DYM: variants seen among roughly 807,000 people sequenced by gnomAD.
DYM encodes the protein dymeclin.
A neutral mutation model predicts 93.1 loss-of-function variants in DYM; 78 were observed. The ratio of observed to expected loss-of-function variants is 0.84; its 90% confidence interval spans 0.70 to 1.01. The LOEUF (loss-of-function observed/expected upper bound fraction) is 1.01. DYM is among the 50% of genes least tolerant of loss of function. The pLI, the probability that DYM is intolerant of heterozygous loss-of-function variation, is 0.00. For missense variants in DYM, 789 were observed against 845.0 expected, an observed-to-expected ratio of 0.93 and a Z score of 0.82; for synonymous variants, 321 against 319.7, an observed-to-expected ratio of 1.00 and a Z score of -0.04.
intron 6 of DYM, among the ~76,000 whole-genome samples, chr18:49,340,280 C>A (rs2064010546): frequency 6.6e-6 from 1 of 152,004 alleles, no homozygotes; most frequent in East Asian, 1.9e-4. Flanking sequence ...AAGCCACAGA[C>A]TAAATGTTCA....
chr18:49,103,312 G>C (rs1156412837), intron 16 of DYM, among the ~76,000 whole-genome samples: 1 of 152,056 alleles, frequency 6.6e-6, no homozygotes. Flanking sequence ...CTGGATATTA[G>C]CCCCTTGTCA....
At chr18:49,045,323 T>A (rs2071335502) in intron 17 of DYM, among the ~76,000 whole-genome samples, 1 of 152,254 alleles carries the variant, frequency 6.6e-6, no homozygotes, top group Admixed American at 6.5e-5. Flanking sequence ...TTTTGTCAGG[T>A]GCTGCATCCC....
At chr18:49,105,095 T>C (rs1365321293) in intron 16 of DYM, among the ~76,000 whole-genome samples, 1 of 152,236 alleles carries the variant, frequency 6.6e-6, no homozygotes, top group Non-Finnish European at 1.5e-5. Flanking sequence ...GAGCCTGTTA[T>C]TGGTCTATTC....
intron 1 of DYM, among the ~76,000 whole-genome samples, chr18:49,443,014 T>C (rs1600307267): frequency 6.6e-6 from 1 of 152,050 alleles, no homozygotes; most frequent in East Asian, 1.9e-4. Flanking sequence ...TGCACCACCA[T>C]GCCTGGCTAA....
chr18:49,352,669 C>G (rs76795185), intron 6 of DYM, among the ~76,000 whole-genome samples: 1 of 152,056 alleles, frequency 6.6e-6, no homozygotes, highest in Non-Finnish European at 1.5e-5. Context: ...ATGAATTTTG[C>G]TAAATGTAAA....
At chr18:49,260,828 G>C (rs545407531) in intron 11 of DYM, among the ~76,000 whole-genome samples, 1 of 150,372 alleles carries the variant, frequency 6.7e-6, no homozygotes, top group South Asian at 2.1e-4. Context: ...AATAAACTCA[G>C]CATGAACCAC....
chr18:49,205,352 G>C (rs1250501743), intron 14 of DYM, among the ~76,000 whole-genome samples: 2 of 152,106 alleles, frequency 1.3e-5, no homozygotes. Context: ...ATGTGTTTTT[G>C]TGTGAAAAAG....
chr18:49,184,505 C>G (rs949812549), intron 14 of DYM, among the ~76,000 whole-genome samples: 1 of 152,166 alleles, frequency 6.6e-6, no homozygotes, highest in East Asian at 1.9e-4. Flanking sequence ...AGTATTCCCC[C>G]CTTATCCACG....
chr18:49,303,010 A>G (rs1265743817), intron 8 of DYM, among the ~76,000 whole-genome samples: 2 of 152,224 alleles, frequency 1.3e-5, no homozygotes, highest in Non-Finnish European at 2.9e-5. Context: ...GTTTTCAGTG[A>G]GTCTAGCTCC....
intron 2 of DYM, among the ~76,000 whole-genome samples, chr18:49,397,261 A>T (rs1299599145): frequency 6.6e-6 from 1 of 152,258 alleles, no homozygotes; most frequent in African/African-American, 2.4e-5. Flanking sequence ...TTACCCATAG[A>T]TGATAAATTA....
intron 1 of DYM, among the ~76,000 whole-genome samples, chr18:49,448,704 G>A (rs961739842): frequency 6.6e-6 from 1 of 152,192 alleles, no homozygotes; most frequent in Non-Finnish European, 1.5e-5. Flanking sequence ...CAAAAGGAAG[G>A]AGACTAAAGG....
rs2092019380 is a variant in DYM, at chr18:49,201,901, TC to T, written c.1625+7649del. Among the ~76,000 whole-genome samples, 2 of 152,244 alleles carry T rather than the reference TC, an allele frequency of 1.3e-5. 1 individual carries two copies. Among genetic ancestry groups the T allele is most frequent in the Non-Finnish European group, 2.9e-5 (2 of 68,050 alleles). On this transcript the variant is annotated intron_variant, in intron 14 of 17. Coordinates refer to ENST00000675505, the MANE Select transcript of DYM (RefSeq NM_001353214.3). Reference sequence around the variant, plus strand: ...GATTTTTTCCCAATGGTATTATTTTTCTGTCTTCACCATGAACCCCATTTGC... The same window carrying T: ...GATTTTTTCCCAATGGTATTATTTTTTGTCTTCACCATGAACCCCATTTGC...
intron 11 of DYM, among the ~76,000 whole-genome samples, chr18:49,263,685 T>TGC (rs1222018205): frequency 4.0e-5 from 6 of 151,860 alleles, no homozygotes; most frequent in Admixed American, 3.9e-4. Flanking sequence ...GCCAAGATCG[T>TGC]GCCACTGCAC....
chr18:49,266,580 C>T (rs74334008), intron 11 of DYM, among the ~76,000 whole-genome samples: 12,191 of 152,170 alleles, frequency 0.08, 768 homozygotes, highest in East Asian at 0.31. Flanking sequence ...CACTGCACTC[C>T]AGCATGGGTG....
At chr18:49,301,044 A>G (rs1351482446) in intron 8 of DYM, among the ~76,000 whole-genome samples, 1 of 152,196 alleles carries the variant, frequency 6.6e-6, no homozygotes. Flanking sequence ...ATAAGATGGG[A>G]GTTCTGGAAG....
At chr18:49,168,032 C>A (rs1236089427) in intron 14 of DYM, among the ~76,000 whole-genome samples, 1 of 151,820 alleles carries the variant, frequency 6.6e-6, no homozygotes, top group African/African-American at 2.4e-5. Flanking sequence ...AAGCAGGAAT[C>A]CTTAGAAAAT....
chr18:49,284,869 A>G (rs949868556), intron 9 of DYM, among the ~76,000 whole-genome samples: 2 of 152,186 alleles, frequency 1.3e-5, no homozygotes, highest in African/African-American at 4.8e-5. Context: ...CCTCTCCAAA[A>G]TTCATGTTGA....
chr18:49,379,773 A>G lies in DYM; in HGVS notation c.194-15T>C. 1 of 1,597,012 alleles carries G rather than the reference A, an allele frequency of 6.3e-7. No homozygotes were observed. Among genetic ancestry groups the G allele is most frequent in the Non-Finnish European group, 8.6e-7 (1 of 1,165,014 alleles). ...ATTGTTTTCAACTGCAAGAGAAGAA[A>G]AGGTTTTAAAAAGTTAAATTTAAGA... On this transcript the variant is annotated splice_polypyrimidine_tract_variant and intron_variant, in intron 3 of 17. Transcript: ENST00000675505.
At chr18:49,391,494 AAAG>A (rs2069247720) in intron 3 of DYM, 96 bp downstream of exon 3, 2 of 1,211,744 alleles carry the variant, frequency 1.7e-6, no homozygotes, top group Non-Finnish European at 1.2e-6. Context: ...TATTGCTATC[AAAG>A]AAGAGTAATT....
Sources: gnomAD v4.1 joint callset for allele counts (sites outside exome capture counted in the v4.1 genomes callset) on GRCh38, gnomAD v4.1.1 for gene constraint, MANE v1.5 for transcripts, NCBI Gene and HGNC (gene_info 2026-07-23, HGNC 2026-07-21) for gene names.